The following CNTN1 variants were observed in gnomAD, a reference collection of about 807,000 sequenced individuals.
CNTN1 encodes contactin 1.
CNTN1 carries 38 observed loss-of-function variants against 126.4 expected under a neutral mutation model. The ratio of observed to expected loss-of-function variants is 0.30; its 90% CI spans 0.23 to 0.39. The LOEUF (loss-of-function observed/expected upper bound fraction) is 0.39, where lower values mean the gene tolerates loss of function less well. Among genes scored for constraint, CNTN1 ranks in the 10% least tolerant of loss-of-function variants. The probability of loss-of-function intolerance (pLI) is 1.00; values close to 1 mark genes in which losing one functional copy is unlikely to be tolerated. For missense variants in CNTN1, 1,009 were observed against 1,248.4 expected (o/e 0.81, Z 2.89); for synonymous variants, 413 against 422.6 (o/e 0.98, Z 0.28).
chr12:40,806,747 C>T (rs917632249), intron 1 of CNTN1, among the ~76,000 whole-genome samples: 5 of 152,122 alleles, frequency 3.3e-5, no homozygotes, highest in Non-Finnish European at 7.4e-5. Flanking sequence ...CAATCACACA[C>T]ATATTGTCCC....
intron 16 of CNTN1, among the ~76,000 whole-genome samples, chr12:40,989,706 T>C (rs1948053780): frequency 6.6e-6 from 1 of 152,182 alleles, no homozygotes; most frequent in African/African-American, 2.4e-5. Context: ...TATTAAGTAC[T>C]TCTATTTGTA....
Position 40,798,791 on chromosome 12 carries a change from C to T in CNTN1, c.-77+106199C>T, listed in dbSNP as rs559275940. Among the ~76,000 whole-genome samples the T allele has an allele frequency of 5.7e-4, 87 of 151,974 alleles. 2 individuals carry two copies. In the South Asian group the frequency reaches 0.016, roughly 29 times the overall value. On this transcript the variant is annotated intron_variant, in intron 1 of 23. Transcript: ENST00000551295. ...ATTCAGGAAAAATAATTAATGAGTA[C>T]TAGGCTTAATACCTGGGTGATGAGG...
chr12:40,887,111 A>T (rs1944064655), intron 1 of CNTN1, among the ~76,000 whole-genome samples: 1 of 152,014 alleles, frequency 6.6e-6, no homozygotes, highest in Non-Finnish European at 1.5e-5. Context: ...GAAGAAAGTC[A>T]TTGGTAGCTT....
intron 23 of CNTN1, among the ~76,000 whole-genome samples, chr12:41,051,733 C>T (rs1226087149): frequency 6.6e-6 from 1 of 151,804 alleles, no homozygotes; most frequent in Non-Finnish European, 1.5e-5. Flanking sequence ...TATTTAATGT[C>T]TAAATAAAAT....
At chr12:40,775,901 A>C in intron 1 of CNTN1, among the ~76,000 whole-genome samples, 1 of 151,678 alleles carries the variant, frequency 6.6e-6, no homozygotes, top group Admixed American at 6.6e-5. Flanking sequence ...AACGTAGTGT[A>C]AGTAGTATGT....
chr12:40,821,112 T>C (rs958893165), intron 1 of CNTN1, among the ~76,000 whole-genome samples: 1 of 152,218 alleles, frequency 6.6e-6, no homozygotes, highest in African/African-American at 2.4e-5. Flanking sequence ...GAATAAATAA[T>C]TTGAGACATA....
intron 1 of CNTN1, among the ~76,000 whole-genome samples, chr12:40,802,634 T>C (rs1240008528): frequency 1.3e-5 from 2 of 151,902 alleles, no homozygotes; most frequent in Non-Finnish European, 2.9e-5. Context: ...CCGTAAGATG[T>C]ATGTCTGATG....
intron 15 of CNTN1, among the ~76,000 whole-genome samples, chr12:40,979,648 C>T (rs1947769301): frequency 1.3e-5 from 2 of 152,018 alleles, no homozygotes; most frequent in Admixed American, 1.3e-4. Flanking sequence ...ATACTAGGAG[C>T]TGTCTATTAA....
chr12:40,908,936 G>A (rs1009732040), intron 2 of CNTN1, among the ~76,000 whole-genome samples: 3 of 152,004 alleles, frequency 2.0e-5, no homozygotes, highest in Non-Finnish European at 2.9e-5. Flanking sequence ...AAAACAATGG[G>A]TTTTAAGCAT....
intron 1 of CNTN1, among the ~76,000 whole-genome samples, chr12:40,768,201 A>G (rs549504822): frequency 6.6e-6 from 1 of 152,304 alleles, no homozygotes; most frequent in South Asian, 2.1e-4. Context: ...AATTGTTACC[A>G]CAATTCTCTG....
At chr12:40,954,601 C>T (rs556974231) in intron 14 of CNTN1, among the ~76,000 whole-genome samples, 1 of 152,192 alleles carries the variant, frequency 6.6e-6, no homozygotes, top group East Asian at 1.9e-4. Context: ...CCCAAACCAC[C>T]CTCACTTCTG....
intron 1 of CNTN1, among the ~76,000 whole-genome samples, chr12:40,822,415 A>T (rs578106884): frequency 6.6e-6 from 1 of 152,010 alleles, no homozygotes; most frequent in South Asian, 2.1e-4. Flanking sequence ...TCGGGCTCCC[A>T]AAGTGCTGGG....
intron 16 of CNTN1, among the ~76,000 whole-genome samples, chr12:40,983,883 T>C (rs1411805176): frequency 2.7e-5 from 4 of 146,014 alleles, no homozygotes; most frequent in Non-Finnish European, 6.0e-5. Flanking sequence ...TTTTATTTTA[T>C]GCTATTATAG....
intron 16 of CNTN1, among the ~76,000 whole-genome samples, chr12:40,982,676 A>G (rs1947850456): frequency 6.6e-6 from 1 of 152,148 alleles, no homozygotes; most frequent in Non-Finnish European, 1.5e-5. Context: ...CAGTATGTAT[A>G]GGTGAGTAGC....
At chr12:40,984,842 A>G (rs947554513) in intron 16 of CNTN1, among the ~76,000 whole-genome samples, 2 of 152,178 alleles carry the variant, frequency 1.3e-5, no homozygotes, top group Non-Finnish European at 1.5e-5. Flanking sequence ...ATACATGCAT[A>G]TATAAATGCA....
At chr12:41,049,049 T>A (rs569412894) in intron 23 of CNTN1, among the ~76,000 whole-genome samples, 1 of 152,312 alleles carries the variant, frequency 6.6e-6, no homozygotes, top group East Asian at 1.9e-4. Flanking sequence ...TCAGCAGCAC[T>A]GATGCATATG....
chr12:40,710,265 G>C (rs528314649), intron 1 of CNTN1, among the ~76,000 whole-genome samples: 1 of 152,144 alleles, frequency 6.6e-6, no homozygotes, highest in Admixed American at 6.5e-5. Context: ...GGCCTGAGGA[G>C]AGGGAGAAAG....
intron 1 of CNTN1, among the ~76,000 whole-genome samples, chr12:40,881,064 G>C (rs984469613): frequency 7.2e-5 from 11 of 151,958 alleles, no homozygotes; most frequent in African/African-American, 2.7e-4. Flanking sequence ...CAGTAATTTA[G>C]TGTTATAACT....
chr12:40,993,166 C>T lies in CNTN1; in HGVS notation c.2010C>T (p.Asp670=). ...EGNMEAARAV[D]LIPWMEYEFR... is the part of the protein sequence containing the mutation. ...ATATGGAGGCAGCAAGAGCAGTGGACTTAATCCCATGGATGGAGTATGAAT... is the reference window on the plus strand; with the variant it reads ...ATATGGAGGCAGCAAGAGCAGTGGATTTAATCCCATGGATGGAGTATGAAT... Residue 670 remains aspartate (D), a synonymous_variant, in exon 17 of 24, where the codon GAC becomes GAT. Transcript: ENST00000551295. 1 of 1,613,736 alleles carries T rather than the reference C, an allele frequency of 6.2e-7. No individual in the cohort carries two copies. The highest frequency in any genetic ancestry group is 8.5e-7 in the Non-Finnish European group (1 of 1,179,636).
Sources: allele counts gnomAD v4.1 joint callset (sites outside exome capture counted in the v4.1 genomes callset), GRCh38; gene constraint gnomAD v4.1.1; transcripts MANE v1.5; gene names NCBI Gene and HGNC (gene_info 2026-07-23, HGNC 2026-07-21).